Variants in TP63 observed in about 807,000 individuals in gnomAD.
TP63 encodes tumor protein 63.
Under a neutral mutation model 82.8 loss-of-function variants are expected in TP63, and 17 were observed. The ratio of observed to expected loss-of-function variants is 0.21; its 90% confidence interval spans 0.14 to 0.31. The LOEUF is 0.31. Ranked by LOEUF, TP63 falls within the 10% of genes least tolerant of loss-of-function variation. The probability of loss-of-function intolerance (pLI) is 1.00; values close to 1 mark genes in which losing one functional copy is unlikely to be tolerated. For missense variants in TP63, 648 were observed against 895.3 expected (o/e 0.72, Z 3.52); for synonymous variants, 330 against 321.7 (o/e 1.03, Z -0.28).
At chr3:189,746,714 A>G (rs1411195240) in intron 3 of TP63, among the ~76,000 whole-genome samples, 2 of 151,632 alleles carry the variant, frequency 1.3e-5, no homozygotes, top group African/African-American at 4.8e-5. Context: ...CTTCAATCTA[A>G]ATGGAATATA....
intron 3 of TP63, among the ~76,000 whole-genome samples, chr3:189,788,929 C>T (rs1458625952): frequency 2.9e-5 from 4 of 138,040 alleles, no homozygotes; most frequent in African/African-American, 5.6e-5. Context: ...AATAGATAAG[C>T]GTTTTGTTAA....
chr3:189,809,927 C>T (rs1727346763), intron 4 of TP63, among the ~76,000 whole-genome samples: 1 of 152,138 alleles, frequency 6.6e-6, no homozygotes, highest in Admixed American at 6.5e-5. Flanking sequence ...TGTAGCTGGG[C>T]CTGTTTTTCA....
At chr3:189,710,986 G>T (rs1411407351) in intron 1 of TP63, among the ~76,000 whole-genome samples, 1 of 152,130 alleles carries the variant, frequency 6.6e-6, no homozygotes, top group Non-Finnish European at 1.5e-5. Flanking sequence ...CTATAAATAA[G>T]TTCAATATCA....
intron 4 of TP63, among the ~76,000 whole-genome samples, chr3:189,831,317 T>C (rs1577057108): frequency 1.3e-5 from 2 of 152,338 alleles, no homozygotes; most frequent in Middle Eastern, 6.8e-3. Flanking sequence ...GTCTAATCGA[T>C]TGACTTTATA....
chr3:189,811,083 G>A (rs1482446107), intron 4 of TP63, among the ~76,000 whole-genome samples: 1 of 152,128 alleles, frequency 6.6e-6, no homozygotes, highest in East Asian at 1.9e-4. Context: ...ACACTGTGGT[G>A]ATGAGAAAAA....
chr3:189,816,023 T>C (rs1223223356), intron 4 of TP63, among the ~76,000 whole-genome samples: 1 of 152,214 alleles, frequency 6.6e-6, no homozygotes, highest in African/African-American at 2.4e-5. Context: ...GTTTGTTTGT[T>C]CCTGTGCTTA....
chr3:189,822,877 T>G (rs572453561), intron 4 of TP63, among the ~76,000 whole-genome samples: 1 of 152,122 alleles, frequency 6.6e-6, no homozygotes, highest in African/African-American at 2.4e-5. Flanking sequence ...GGAAGGCAGA[T>G]TGCAGCAGAA....
the TP63 span, among the ~76,000 whole-genome samples, chr3:189,622,543 G>C: frequency 8.5e-5 from 13 of 152,150 alleles, no homozygotes; most frequent in Non-Finnish European, 1.8e-4. Flanking sequence ...AAAATATTTA[G>C]TAAGTGGCAA....
intron 10 of TP63, among the ~76,000 whole-genome samples, chr3:189,883,145 G>T (rs899488475): frequency 3.3e-5 from 5 of 151,630 alleles, no homozygotes; most frequent in Non-Finnish European, 5.9e-5. Context: ...AGAAATTTTT[G>T]GAATATTTCA....
At chr3:189,629,720 G>A (rs1396135017), upstream of TP63, among the ~76,000 whole-genome samples, 1 of 152,098 alleles carries the variant, frequency 6.6e-6, no homozygotes, top group Non-Finnish European at 1.5e-5. Flanking sequence ...GGTGCCTCAC[G>A]GGCACATTAA....
chr3:189,773,217 A>T (rs1723505743), intron 3 of TP63, among the ~76,000 whole-genome samples: 1 of 152,222 alleles, frequency 6.6e-6, no homozygotes, highest in South Asian at 2.1e-4. Context: ...GTACCAAGTA[A>T]GGCATTTACT....
chr3:189,622,958 T>C, the TP63 span, among the ~76,000 whole-genome samples: 2,043 of 152,248 alleles, frequency 0.013, 25 homozygotes, highest in East Asian at 0.045. Context: ...ATTTCTAAGA[T>C]TTTTTTTCTA....
rs1414269113 is a variant in TP63 at position 189,894,705 on chromosome 3, A to G, written c.*203A>G. The stretch of plus-strand genomic sequence containing the variant: ...ATTCTGGCTTTAAGCCTTCAAAACT[A>G]TAGCTTGCAGAACTGTAGCTGCCAT... On this transcript the variant is annotated 3_prime_UTR_variant, in exon 14 of 14. Transcript: ENST00000264731. 6.1e-6 allele frequency: 4 copies of G among 654,214 alleles called. No individual in the cohort carries two copies. Among genetic ancestry groups the G allele is most frequent in the African/African-American group, 5.5e-5 (3 of 54,994 alleles). The allele number at this position is 654,214 out of a possible 1,614,324, so 40.5% of individuals were successfully genotyped here. A position where few individuals can be genotyped will look rare whatever the true frequency, so the allele number is the denominator to read the frequency against.
chr3:189,768,796 AT>A (rs1390665852), intron 3 of TP63, among the ~76,000 whole-genome samples: 1 of 152,160 alleles, frequency 6.6e-6, no homozygotes, highest in Admixed American at 6.5e-5. Flanking sequence ...TCATGTACAG[AT>A]TAAATGAATG....
chr3:189,642,560 G>C (rs1157577802), intron 1 of TP63, among the ~76,000 whole-genome samples: 1 of 151,276 alleles, frequency 6.6e-6, no homozygotes, highest in Non-Finnish European at 1.5e-5. Context: ...TTTTTTTCAT[G>C]TATAAAGAAG....
intron 3 of TP63, among the ~76,000 whole-genome samples, chr3:189,768,262 CT>C (rs1382004855): frequency 6.6e-6 from 1 of 151,982 alleles, no homozygotes; most frequent in Non-Finnish European, 1.5e-5. Context: ...TAAACGTGGG[CT>C]TTTCTTTACT....
At chr3:189,784,130 A>G (rs73197835) in intron 3 of TP63, among the ~76,000 whole-genome samples, 31,611 of 151,898 alleles carry the variant, frequency 0.21, 4,087 homozygotes, top group Admixed American at 0.3. Context: ...TCTAAATTTC[A>G]CACTATTTTT....
intron 1 of TP63, among the ~76,000 whole-genome samples, chr3:189,708,707 T>C (rs959367663): frequency 2.6e-5 from 4 of 152,192 alleles, no homozygotes; most frequent in African/African-American, 9.7e-5. Context: ...AGACACAGAT[T>C]TCATTCATTA....
intron 1 of TP63, among the ~76,000 whole-genome samples, chr3:189,720,289 A>G (rs1431065065): frequency 2.0e-5 from 3 of 151,766 alleles, no homozygotes; most frequent in Non-Finnish European, 2.9e-5. Context: ...GCTTGTGAAC[A>G]CTCCTGATTT....
Sources: gnomAD v4.1 joint callset for allele counts (sites outside exome capture counted in the v4.1 genomes callset) on GRCh38, gnomAD v4.1.1 for gene constraint, MANE v1.5 for transcripts, NCBI Gene and HGNC (gene_info 2026-07-23, HGNC 2026-07-21) for gene names.